DSCAML1: variants seen among roughly 807,000 people sequenced by gnomAD.
DSCAML1 encodes the protein DS cell adhesion molecule like 1.
Under a neutral mutation model 200.5 loss-of-function variants are expected in DSCAML1, and 38 were observed. That is an observed-to-expected ratio of 0.19 (90% CI 0.15 to 0.25). The LOEUF (loss-of-function observed/expected upper bound fraction) is 0.25. DSCAML1 is among the 10% of genes least tolerant of loss of function. The pLI is 1.00. For synonymous variants in DSCAML1, 1,215 were observed against 1,165.0 expected (o/e 1.04, Z -0.87); for missense variants, 2,223 against 2,858.8 (o/e 0.78, Z 5.07).
chr11:117,738,767 G>A (rs999146005), intron 3 of DSCAML1, among the ~76,000 whole-genome samples: 1 of 152,162 alleles, frequency 6.6e-6, no homozygotes, highest in African/African-American at 2.4e-5. Flanking sequence ...GTGGTCTGGA[G>A]CCACAGTGCA....
At chr11:117,764,939 C>CGGGGGGG in intron 3 of DSCAML1, among the ~76,000 whole-genome samples, 1 of 152,218 alleles carries the variant, frequency 6.6e-6, no homozygotes, top group Non-Finnish European at 1.5e-5. Context: ...GCCCCAGACT[C>CGGGGGGG]CACCCACATG....
At chr11:117,609,043 A>AAAC (rs1565823746) in intron 3 of DSCAML1, among the ~76,000 whole-genome samples, 1 of 144,200 alleles carries the variant, frequency 6.9e-6, no homozygotes, top group Non-Finnish European at 1.5e-5. Context: ...AACAAAAAAA[A>AAAC]CAAAAATTGT....
chr11:117,482,357 G>C (rs2048946068), intron 11 of DSCAML1, among the ~76,000 whole-genome samples, 195 bp from the exon 12 acceptor site: 1 of 152,176 alleles, frequency 6.6e-6, no homozygotes, highest in Admixed American at 6.5e-5. Context: ...CCTCTTCACC[G>C]GGGGTCCCAC....
chr11:117,675,698 CT>C (rs1488551937), intron 3 of DSCAML1, among the ~76,000 whole-genome samples: 1 of 151,930 alleles, frequency 6.6e-6, no homozygotes, highest in Non-Finnish European at 1.5e-5. Context: ...CAGGTCCCCC[CT>C]TTCCCCCCAG....
intron 3 of DSCAML1, among the ~76,000 whole-genome samples, chr11:117,730,748 T>A (rs557109607): frequency 6.6e-6 from 1 of 152,330 alleles, no homozygotes; most frequent in East Asian, 1.9e-4. Flanking sequence ...CCAACATTTG[T>A]AAACAAATGT....
chr11:117,598,542 G>A (rs957836871), intron 3 of DSCAML1, among the ~76,000 whole-genome samples: 3 of 152,096 alleles, frequency 2.0e-5, no homozygotes, highest in African/African-American at 7.2e-5. Flanking sequence ...ATTGGTCTGG[G>A]GTCTATTATG....
intron 3 of DSCAML1, among the ~76,000 whole-genome samples, chr11:117,606,488 A>G (rs766312187): frequency 2.6e-5 from 4 of 152,214 alleles, no homozygotes; most frequent in Non-Finnish European, 5.9e-5. Context: ...GATTGTAGTT[A>G]TACCCTTAAA....
chr11:117,434,569 A>G (rs997430097), intron 27 of DSCAML1, among the ~76,000 whole-genome samples: 13 of 151,796 alleles, frequency 8.6e-5, no homozygotes, highest in Admixed American at 7.2e-4. Context: ...TATTCATATA[A>G]TCATTATCTG....
intron 14 of DSCAML1, among the ~76,000 whole-genome samples, chr11:117,473,110 A>AT (rs2137185364): frequency 1.3e-5 from 2 of 152,366 alleles, no homozygotes; most frequent in African/African-American, 4.8e-5. Context: ...CATAGAAAAG[A>AT]TTAAGTTGTA....
intron 3 of DSCAML1, among the ~76,000 whole-genome samples, chr11:117,567,754 C>A (rs1225260807): frequency 2.0e-5 from 3 of 152,052 alleles, no homozygotes; most frequent in African/African-American, 7.2e-5. Context: ...CAAAAAGAGT[C>A]CAGGACCAGA....
Position 117,433,190 on chromosome 11 carries a change from G to A in DSCAML1, c.4974C>T (p.Asp1658=), listed in dbSNP as rs1480676289. The change falls in exon 29 of 33, where the codon GAC becomes GAT. Residue 1658 remains aspartate (D), a synonymous_variant. Coordinates refer to ENST00000651296, the MANE Select transcript of DSCAML1 (RefSeq NM_020693.4). ...CGATGAGCAGCTGGACCCTGGGGAT[G>A]TCAATGTGTAGCCGTGGGCCCTGGG... ...GPPQGPRLHI[D]IPRVQLLIED... 4.3e-6 allele frequency: 7 copies of A among 1,614,156 alleles called. No homozygotes were observed. The South Asian group carries it at 6.6e-5, about 15-fold the overall frequency.
chr11:117,439,966 C>A (rs777280941), intron 21 of DSCAML1, 30 bp from the exon 22 acceptor site: 1 of 1,574,090 alleles, frequency 6.4e-7, no homozygotes, highest in South Asian at 1.1e-5. Flanking sequence ...AGGGCCACTC[C>A]ACTTCTACCC....
At chr11:117,502,503 G>C (rs963368389) in intron 11 of DSCAML1, among the ~76,000 whole-genome samples, 2 of 152,212 alleles carry the variant, frequency 1.3e-5, no homozygotes, top group Non-Finnish European at 2.9e-5. Flanking sequence ...TAGTGTGAGG[G>C]AAGTGGCTCC....
chr11:117,742,447 G>A (rs544263704), intron 3 of DSCAML1, among the ~76,000 whole-genome samples: 1 of 152,338 alleles, frequency 6.6e-6, no homozygotes, highest in South Asian at 2.1e-4. Context: ...ATGGCTGGCT[G>A]TGGGACCCTC....
chr11:117,744,109 T>C (rs2054472066), intron 3 of DSCAML1, among the ~76,000 whole-genome samples: 1 of 152,254 alleles, frequency 6.6e-6, no homozygotes, highest in African/African-American at 2.4e-5. Context: ...TGCCATGTGC[T>C]AGGTACTGCT....
intron 4 of DSCAML1, among the ~76,000 whole-genome samples, chr11:117,525,726 C>T (rs1408023404): frequency 6.6e-6 from 1 of 152,210 alleles, no homozygotes; most frequent in African/African-American, 2.4e-5. Flanking sequence ...TCTGAAAATG[C>T]TGAGATTACA....
intron 19 of DSCAML1, 106 bp downstream of exon 19, chr11:117,458,648 C>T: frequency 7.1e-7 from 1 of 1,411,204 alleles, no homozygotes; most frequent in Admixed American, 2.1e-5. Flanking sequence ...GTTTGAAGGC[C>T]AGGAGAAAGG....
In DSCAML1 at chr11:117,675,882, T is replaced by C. The variant is rs149918319; in HGVS notation, c.511+100909A>G. Reference sequence around the variant, plus strand: ...TAATTCCTCCTGGTGAAATGCAAACTGCATCGAATGGCTCCCACTCCTGAT... The same window carrying C: ...TAATTCCTCCTGGTGAAATGCAAACCGCATCGAATGGCTCCCACTCCTGAT... On this transcript the variant is annotated intron_variant, in intron 3 of 32. Transcript: ENST00000651296. 3.7e-3 allele frequency among the ~76,000 whole-genome samples: 561 copies of C among 152,234 alleles called. 1 individual carries two copies. The highest frequency in any genetic ancestry group is 4.4e-3 in the Non-Finnish European group (299 of 68,018).
intron 3 of DSCAML1, among the ~76,000 whole-genome samples, chr11:117,742,227 G>A (rs974535465): frequency 1.4e-4 from 22 of 152,304 alleles, no homozygotes; most frequent in African/African-American, 3.8e-4. Context: ...CACTGAGGAG[G>A]CCCATAGTGG....
Sources: gnomAD v4.1 joint callset for allele counts (sites outside exome capture counted in the v4.1 genomes callset) on GRCh38, gnomAD v4.1.1 for gene constraint, MANE v1.5 for transcripts, NCBI Gene and HGNC (gene_info 2026-07-23, HGNC 2026-07-21) for gene names.